Variants in ZC3H12D observed in about 807,000 individuals in gnomAD.
The protein encoded by ZC3H12D is probable ribonuclease ZC3H12D.
In ZC3H12D, 11 loss-of-function variants were observed where a neutral mutation model predicts 24.2. The ratio of observed to expected loss-of-function variants is 0.46; its 90% CI spans 0.29 to 0.75. The LOEUF (loss-of-function observed/expected upper bound fraction) is 0.75, where lower values mean the gene tolerates loss of function less well. Among genes scored for constraint, ZC3H12D ranks in the 30% least tolerant of loss-of-function variants. The pLI is 0.11. For missense variants in ZC3H12D, 740 were observed against 767.7 expected, an observed-to-expected ratio of 0.96 and a Z score of 0.43; for synonymous variants, 333 against 341.8, an observed-to-expected ratio of 0.97 and a Z score of 0.28.
intron 4 of ZC3H12D, among the ~76,000 whole-genome samples, chr6:149,455,875 C>A (rs978529966): frequency 1.3e-5 from 2 of 150,896 alleles, no homozygotes; most frequent in African/African-American, 2.4e-5. Flanking sequence ...GCACTCCAAC[C>A]TGGGCAATAG....
intron 4 of ZC3H12D, among the ~76,000 whole-genome samples, chr6:149,455,510 A>G (rs774867846): frequency 2.6e-5 from 4 of 152,198 alleles, no homozygotes; most frequent in Non-Finnish European, 5.9e-5. Context: ...GCTCTGTCAC[A>G]CGCTGCTCGG....
chr6:149,447,988 A>T lies in ZC3H12D; in HGVS notation c.*2695T>A, dbSNP rs1020247046. 2.6e-5 allele frequency: 4 copies of T among 152,246 alleles called. No homozygotes were observed. Among genetic ancestry groups the T allele is most frequent in the Non-Finnish European group, 5.9e-5 (4 of 68,046 alleles). The allele number at this position is 152,246 out of a possible 1,614,324, so 9.4% of individuals were successfully genotyped here. On this transcript the variant is annotated 3_prime_UTR_variant, in exon 6 of 6. Transcript: ENST00000409806. ...AGAAAGCGTGTCTTGTCAAAAGGTT[A>T]AAAATAAAAATAAAGGCCCGGGGCC... is the stretch of plus-strand genomic sequence containing the variant.
chr6:149,468,890 C>G (rs1172625306), intron 2 of ZC3H12D, among the ~76,000 whole-genome samples: 1 of 152,188 alleles, frequency 6.6e-6, no homozygotes, highest in Non-Finnish European at 1.5e-5. Context: ...CCTGATCTCT[C>G]TCTTCCTTGG....
chr6:149,476,420 C>T (rs1029189519), intron 1 of ZC3H12D, among the ~76,000 whole-genome samples: 1 of 152,118 alleles, frequency 6.6e-6, no homozygotes, highest in Non-Finnish European at 1.5e-5. Context: ...AGGAGACTCG[C>T]TGGAACCTGG....
chr6:149,456,622 C>CCCCCCCCCCCCCCCCCCCGGGTGAG lies in ZC3H12D; in HGVS notation c.680+43_680+44insCTCACCCGGGGGGGGGGGGGGGGGG. 1.5e-6 allele frequency: 2 copies of CCCCCCCCCCCCCCCCCCCGGGTGAG among 1,314,358 alleles called. No individual in the cohort carries two copies. Among genetic ancestry groups the CCCCCCCCCCCCCCCCCCCGGGTGAG allele is most frequent in the Non-Finnish European group, 2.2e-6 (2 of 921,308 alleles). The allele number at this position is 1,314,358 out of a possible 1,614,324, so 81.4% of individuals were successfully genotyped here. On this transcript the variant is annotated intron_variant, in intron 4 of 5. Coordinates refer to ENST00000409806, the MANE Select transcript of ZC3H12D (RefSeq NM_207360.3). This position sits in a 1 kb window ranked among gnomAD's most constrained non-coding sequence, Gnocchi z 4.3. ...GGCCACTGCCTCGACCCCGGCCCCC[C>CCCCCCCCCCCCCCCCCCCGGGTGAG]GCCCCGCCGCCCCCCAGGGTGTCAG...
chr6:149,474,766 T>C (rs1583192058), intron 1 of ZC3H12D, among the ~76,000 whole-genome samples, 153 bp from the exon 2 acceptor site: 1 of 152,240 alleles, frequency 6.6e-6, no homozygotes, highest in African/African-American at 2.4e-5. Context: ...AATGTGGCTG[T>C]GGAGCTGCAG....
In ZC3H12D at chr6:149,454,186, G is replaced by A. The variant is rs576744738; in HGVS notation, c.681-1464C>T. ...GCCCTTCTCTCCTCCCTGGCATGGA[G>A]CCCTAATGAGGAAGGGAATGCATGC... is the stretch of plus-strand genomic sequence containing the variant. On this transcript the variant is annotated intron_variant, in intron 4 of 5. Coordinates refer to ENST00000409806, the MANE Select transcript of ZC3H12D (RefSeq NM_207360.3). Among the ~76,000 whole-genome samples the A allele has an allele frequency of 3.3e-5, 5 of 152,320 alleles. No individual in the cohort carries two copies. The South Asian group carries it at 1.0e-3, about 32-fold the overall frequency.
intron 2 of ZC3H12D, among the ~76,000 whole-genome samples, chr6:149,473,910 C>T (rs1024371822): frequency 7.9e-5 from 12 of 152,134 alleles, no homozygotes; most frequent in Non-Finnish European, 1.5e-4. Flanking sequence ...CCACACCTTC[C>T]CCAAAAGAAG....
At chr6:149,483,239 C>T (rs534807391) in intron 1 of ZC3H12D, 3 of 152,096 alleles carry the variant, frequency 2.0e-5, no homozygotes, top group Admixed American at 1.3e-4. Context: ...GAGGCAAAGA[C>T]GGTAGTTCAT....
In ZC3H12D at chr6:149,447,166, C is replaced by G. The variant is rs1391418987; in HGVS notation, c.*3517G>C. 1 of 152,228 alleles carries G rather than the reference C, an allele frequency of 6.6e-6. No homozygotes were observed. The highest frequency in any genetic ancestry group is 2.4e-5 in the African/African-American group (1 of 41,440). The allele number at this position is 152,228 out of a possible 1,614,324, so 9.4% of individuals were successfully genotyped here. ...TTCTCCTGGAAAAGGTGGATTTGAG[C>G]CCCTCACATCCCCCCAGGTGGAACA... On this transcript the variant is annotated 3_prime_UTR_variant, in exon 6 of 6. Coordinates refer to ENST00000409806, the MANE Select transcript of ZC3H12D (RefSeq NM_207360.3).
At position 149,456,951 on chromosome 6, in the gene ZC3H12D, T is replaced by G; in HGVS notation, c.446-51A>C. ...GGTGAGGGCCCAAGGGCACCGCCCC[T>G]GAGAACCACCCCCAACGCGAGGCCA... On this transcript the variant is annotated intron_variant, in intron 3 of 5. Coordinates refer to ENST00000409806, the MANE Select transcript of ZC3H12D (RefSeq NM_207360.3). The surrounding 1 kb of genome is among the most constrained non-coding windows in gnomAD (Gnocchi z 4.3). 6.4e-7 allele frequency: 1 copy of G among 1,551,710 alleles called. No individual in the cohort carries two copies. Among genetic ancestry groups the G allele is most frequent in the Non-Finnish European group, 8.7e-7 (1 of 1,143,718 alleles).
chr6:149,453,824 G>A (rs1169653478), intron 4 of ZC3H12D, among the ~76,000 whole-genome samples: 1 of 152,052 alleles, frequency 6.6e-6, no homozygotes, highest in East Asian at 1.9e-4. Context: ...GAGGATCCCT[G>A]GAGTCCAGGA....
At chr6:149,454,071 C>T (rs1775941920) in intron 4 of ZC3H12D, among the ~76,000 whole-genome samples, 1 of 152,178 alleles carries the variant, frequency 6.6e-6, no homozygotes, top group South Asian at 2.1e-4. Flanking sequence ...CCTGCACATA[C>T]AGCCACCTCG....
At position 149,447,315 on chromosome 6, in the gene ZC3H12D, G is replaced by A. The variant is rs237006; in HGVS notation, c.*3368C>T. The A allele has an allele frequency of 0.15, 22,979 of 152,104 alleles. 2,101 individuals carry two copies. Among genetic ancestry groups the A allele is most frequent in the African/African-American group, 0.27 (11,110 of 41,410 alleles). The allele number at this position is 152,104 out of a possible 1,614,324, so 9.4% of individuals were successfully genotyped here. ...CTGGAGTGCAGAGCGCAGTGGCACA[G>A]TCTCAGCTCACTACAACCTCTGCCT... On this transcript the variant is annotated 3_prime_UTR_variant, in exon 6 of 6. Transcript: ENST00000409806.
intron 2 of ZC3H12D, among the ~76,000 whole-genome samples, chr6:149,470,230 C>A (rs956907773): frequency 3.9e-5 from 6 of 152,064 alleles, no homozygotes; most frequent in Admixed American, 3.3e-4. Context: ...CATATTGGCA[C>A]ACACCTGTAG....
In ZC3H12D at chr6:149,474,042, G is replaced by C. The variant is rs1276513741; in HGVS notation, c.305+197C>G. Among the ~76,000 whole-genome samples the C allele has an allele frequency of 3.9e-5, 6 of 152,182 alleles. No homozygotes were observed. The East Asian group carries it at 1.2e-3, about 29-fold the overall frequency. ...ACAGAGATTTTATCCCAACCGTACAGATGGGAAAAATGAGCTCAGAGGGGT... is the reference window on the plus strand; with the variant it reads ...ACAGAGATTTTATCCCAACCGTACACATGGGAAAAATGAGCTCAGAGGGGT... On this transcript the variant is annotated intron_variant, in intron 2 of 5. Coordinates refer to ENST00000409806, the MANE Select transcript of ZC3H12D (RefSeq NM_207360.3).
At position 149,450,324 on chromosome 6, in the gene ZC3H12D, G is replaced by A; in HGVS notation, c.*359C>T. 1 of 230,764 alleles carries A rather than the reference G, an allele frequency of 4.3e-6. No homozygotes were observed. The allele number at this position is 230,764 out of a possible 1,614,324, so 14.3% of individuals were successfully genotyped here. A position where few individuals can be genotyped will look rare whatever the true frequency, so the allele number is the denominator to read the frequency against. ...CAGACTCAGCCTGATGGCACAGGGT[G>A]CGCTTTGCCCTGTCCCAGTCCACTG... On this transcript the variant is annotated 3_prime_UTR_variant, in exon 6 of 6. Coordinates refer to ENST00000409806, the MANE Select transcript of ZC3H12D (RefSeq NM_207360.3).
At chr6:149,461,284 T>A (rs1185354737) in intron 3 of ZC3H12D, among the ~76,000 whole-genome samples, 1 of 149,714 alleles carries the variant, frequency 6.7e-6, no homozygotes, top group Non-Finnish European at 1.5e-5. Context: ...GAGGTTGCAG[T>A]GAGCCGAGAT....
At chr6:149,478,183 A>C (rs1016485045) in intron 1 of ZC3H12D, among the ~76,000 whole-genome samples, 11 of 149,506 alleles carry the variant, frequency 7.4e-5, no homozygotes, top group Non-Finnish European at 1.2e-4. Context: ...AAAAAAAAAA[A>C]AACTATTTTT....
Sources: gnomAD v4.1 joint callset for allele counts (sites outside exome capture counted in the v4.1 genomes callset) on GRCh38, gnomAD v4.1.1 for gene constraint, Gnocchi (gnomAD v3.1) non-coding constraint, MANE v1.5 for transcripts, NCBI Gene and HGNC (gene_info 2026-07-23, HGNC 2026-07-21) for gene names.